Variants in MSH4 observed in about 807,000 individuals in gnomAD.
MSH4 encodes the protein mutS protein homolog 4.
A neutral mutation model predicts 113.7 loss-of-function variants in MSH4; 106 were observed. That is an observed-to-expected ratio of 0.93 (90% CI 0.80 to 1.10). The LOEUF is 1.10. Among genes scored for constraint, MSH4 ranks in the 50% least tolerant of loss-of-function variants. The probability of loss-of-function intolerance (pLI) is 0.00; values close to 1 mark genes in which losing one functional copy is unlikely to be tolerated. For missense variants in MSH4, 1,061 were observed against 1,093.7 expected, an observed-to-expected ratio of 0.97 and a Z score of 0.42; for synonymous variants, 368 against 380.2, an observed-to-expected ratio of 0.97 and a Z score of 0.37.
intron 7 of MSH4, among the ~76,000 whole-genome samples, chr1:75,832,006 T>C (rs552239908): frequency 1.9e-4 from 29 of 152,230 alleles, no homozygotes; most frequent in African/African-American, 6.5e-4. Flanking sequence ...AGCTGGTTTT[T>C]TGAAAAGATC....
At chr1:75,807,687 G>A (rs1184127969) in intron 3 of MSH4, among the ~76,000 whole-genome samples, 1 of 152,202 alleles carries the variant, frequency 6.6e-6, no homozygotes, top group East Asian at 1.9e-4. Flanking sequence ...GCATAGGGGT[G>A]CCAAATTGGC....
chr1:75,817,664 C>G (rs1044271881), intron 6 of MSH4, among the ~76,000 whole-genome samples: 2 of 152,166 alleles, frequency 1.3e-5, no homozygotes, highest in African/African-American at 4.8e-5. Flanking sequence ...ATTCTACGTA[C>G]TGAACTATCT....
At position 75,883,123 on chromosome 1, in the gene MSH4, A is replaced by G. The variant is rs911080046; in HGVS notation, c.1907-498A>G. ...AGGCTCAAGAGATCCTCCTATCTCA[A>G]CCCCACAAGTAGCTGGGACTACAGG... On this transcript the variant is annotated intron_variant, in intron 14 of 19. Coordinates refer to ENST00000263187, the MANE Select transcript of MSH4 (RefSeq NM_002440.4). Among the ~76,000 whole-genome samples the G allele has an allele frequency of 3.3e-4, 50 of 150,568 alleles. 1 individual carries two copies. Among genetic ancestry groups the G allele is most frequent in the Admixed American group, 3.3e-4 (5 of 15,048 alleles).
intron 16 of MSH4, among the ~76,000 whole-genome samples, chr1:75,889,822 C>T (rs953620049): frequency 3.9e-5 from 6 of 152,024 alleles, no homozygotes; most frequent in Non-Finnish European, 8.8e-5. Context: ...GAGCAAACGT[C>T]AAGTAGGCTT....
intron 9 of MSH4, 29 bp from the exon 10 acceptor site, chr1:75,876,907 C>A: frequency 2.3e-6 from 3 of 1,302,010 alleles, no homozygotes; most frequent in South Asian, 1.5e-5. Context: ...ATTGATTATC[C>A]TTAACTTTTT....
chr1:75,866,684 CAAA>C (rs1161065711), intron 8 of MSH4, among the ~76,000 whole-genome samples: 1 of 151,760 alleles, frequency 6.6e-6, no homozygotes, highest in African/African-American at 2.4e-5. Context: ...CACGGTACCT[CAAA>C]AAGAAACATC....
intron 1 of MSH4, among the ~76,000 whole-genome samples, chr1:75,802,814 G>C (rs1287446124): frequency 6.6e-6 from 1 of 152,174 alleles, no homozygotes; most frequent in Non-Finnish European, 1.5e-5. Context: ...GAAGTCTGGA[G>C]GCTGGGAAGT....
At chr1:75,907,409 C>A (rs1652683710) in intron 19 of MSH4, among the ~76,000 whole-genome samples, 1 of 151,752 alleles carries the variant, frequency 6.6e-6, no homozygotes, top group African/African-American at 2.4e-5. Flanking sequence ...TTATTTGCTT[C>A]TTTTCTCTTG....
At chr1:75,863,164 C>T (rs1651495566) in intron 8 of MSH4, among the ~76,000 whole-genome samples, 1 of 151,900 alleles carries the variant, frequency 6.6e-6, no homozygotes, top group Non-Finnish European at 1.5e-5. Flanking sequence ...ATGATTCCTT[C>T]TTTGATTTAT....
intron 1 of MSH4, among the ~76,000 whole-genome samples, chr1:75,800,722 G>T (rs1048904166): frequency 6.6e-6 from 1 of 152,154 alleles, no homozygotes; most frequent in Non-Finnish European, 1.5e-5. Context: ...TGGTAATAAA[G>T]AATTAATTTT....
At chr1:75,836,974 T>G (rs985673399) in intron 7 of MSH4, among the ~76,000 whole-genome samples, 12 of 152,230 alleles carry the variant, frequency 7.9e-5, no homozygotes, top group African/African-American at 2.7e-4. Context: ...AACTTTGGAC[T>G]CAAATATCTT....
intron 9 of MSH4, among the ~76,000 whole-genome samples, chr1:75,875,934 T>TG (rs992231357): frequency 3.6e-4 from 54 of 152,092 alleles, no homozygotes; most frequent in Non-Finnish European, 6.6e-4. Flanking sequence ...GTGCCTGAAA[T>TG]AGTGACACCT....
chr1:75,840,623 C>G (rs1301057055), intron 7 of MSH4, among the ~76,000 whole-genome samples: 2 of 149,860 alleles, frequency 1.3e-5, no homozygotes, highest in African/African-American at 4.9e-5. Flanking sequence ...ACATATGTAA[C>G]TAACCTGCAC....
chr1:75,807,142 G>T lies in MSH4; in HGVS notation c.588+1G>T. The T allele has an allele frequency of 6.5e-7, 1 of 1,539,056 alleles. No homozygotes were observed. The highest frequency in any genetic ancestry group is 8.7e-7 in the Non-Finnish European group (1 of 1,152,832). ...TGCAGACAACACAACATATGCAAAGGTAAGTATTAATAATTCTAGAAAATG... is the reference window on the plus strand; with the variant it reads ...TGCAGACAACACAACATATGCAAAGTTAAGTATTAATAATTCTAGAAAATG... On this transcript the variant is annotated splice_donor_variant, in intron 3 of 19. Coordinates refer to ENST00000263187, the MANE Select transcript of MSH4 (RefSeq NM_002440.4). LOFTEE classifies it high-confidence loss of function.
At chr1:75,810,282 G>T (rs1029355470) in intron 3 of MSH4, among the ~76,000 whole-genome samples, 1 of 151,588 alleles carries the variant, frequency 6.6e-6, no homozygotes, top group Admixed American at 6.6e-5. Context: ...CTAGACTGGC[G>T]TGCAAAGGTG....
At chr1:75,824,105 G>C (rs1170661829) in intron 7 of MSH4, among the ~76,000 whole-genome samples, 1 of 152,018 alleles carries the variant, frequency 6.6e-6, no homozygotes, top group Non-Finnish European at 1.5e-5. Flanking sequence ...AGTGTAAAGT[G>C]TTCCTATTTC....
Position 75,883,609 on chromosome 1 carries a change from T to C in MSH4, c.1907-12T>C. On this transcript the variant is annotated splice_polypyrimidine_tract_variant and intron_variant, in intron 14 of 19. Coordinates refer to ENST00000263187, the MANE Select transcript of MSH4 (RefSeq NM_002440.4). ...ATTAATCTTTAAAAACCATTCTATT[T>C]TTTTTCTTAAGTTCGACCAGAATTT... The C allele has an allele frequency of 6.2e-7, 1 of 1,602,038 alleles. No homozygotes were observed. Among genetic ancestry groups the C allele is most frequent in the African/African-American group, 1.3e-5 (1 of 74,320 alleles).
At chr1:75,903,305 T>C (rs1652549720) in intron 19 of MSH4, among the ~76,000 whole-genome samples, 1 of 151,978 alleles carries the variant, frequency 6.6e-6, no homozygotes, top group Non-Finnish European at 1.5e-5. Flanking sequence ...AGAGACTGTC[T>C]TCTTGGTATC....
intron 7 of MSH4, among the ~76,000 whole-genome samples, chr1:75,836,487 C>T (rs990147298): frequency 1.3e-5 from 2 of 151,804 alleles, no homozygotes; most frequent in Non-Finnish European, 2.9e-5. Context: ...TTGGTAGACA[C>T]GGGATTTCAC....
Sources: allele counts gnomAD v4.1 joint callset (sites outside exome capture counted in the v4.1 genomes callset), GRCh38; gene constraint gnomAD v4.1.1; transcripts MANE v1.5; gene names NCBI Gene and HGNC (gene_info 2026-07-23, HGNC 2026-07-21).